SPAG5: variants seen among roughly 807,000 people sequenced by gnomAD.
SPAG5 encodes the protein sperm-associated antigen 5.
SPAG5 carries 99 observed loss-of-function variants against 145.4 expected under a neutral mutation model. The observed-to-expected ratio is 0.68, with a 90% CI of 0.58 to 0.80. The LOEUF is 0.80. Ranked by LOEUF, SPAG5 falls within the 30% of genes least tolerant of loss-of-function variation. SPAG5 has a pLI of 0.00. For synonymous variants in SPAG5, 477 were observed against 525.4 expected (o/e 0.91, Z 1.26); for missense variants, 1,192 against 1,416.0 (o/e 0.84, Z 2.54).
chr17:28,594,971 T>A (rs1217071261), intron 2 of SPAG5, among the ~76,000 whole-genome samples: 6 of 148,448 alleles, frequency 4.0e-5, no homozygotes, highest in African/African-American at 4.9e-5. Flanking sequence ...AAAAAAAAAA[T>A]AAAAAAGACA....
At chr17:28,598,758 C>T in intron 1 of SPAG5, 123 bp from the exon 2 acceptor site, 2 of 1,515,018 alleles carry the variant, frequency 1.3e-6, no homozygotes, top group Non-Finnish European at 1.8e-6. Context: ...CCTAGTCGCG[C>T]AGGAGCAGCA....
In SPAG5 at chr17:28,583,936, C is replaced by T; in HGVS notation, c.2463G>A (p.Glu821=). ...QVAHLELGQV[E]CQLKTTLEVL... ...CTTCCAGTGTGGTTTTCAATTGACA[C>T]TCAACCTGACCCAGCTCCAGGTGAG... Residue 821 remains glutamate (E), a synonymous_variant, in exon 14 of 24, where the codon GAG becomes GAA. Coordinates refer to ENST00000321765, the MANE Select transcript of SPAG5 (RefSeq NM_006461.4). 6.2e-7 allele frequency: 1 copy of T among 1,614,176 alleles called. No homozygotes were observed.
rs1225858931 is a variant in SPAG5, at chr17:28,592,805, C to A, written c.439G>T (p.Ala147Ser). 3.7e-6 allele frequency: 6 copies of A among 1,614,004 alleles called. No individual in the cohort carries two copies. The East Asian group carries it at 1.3e-4, about 36-fold the overall frequency. Reference protein sequence around the residue: ...LGQQQDMIFEARLDTMAETNS... With the variant: ...LGQQQDMIFESRLDTMAETNS... ...GTCTCTGCCATGGTATCTAAACGGG[C>A]CTCAAATATCATGTCTTGTTGCTGC... Residue 147 changes from alanine (A) to serine (S), a missense_variant, in exon 3 of 24, where the codon GCC becomes TCC. By Grantham distance (99) the Ala-to-Ser change is moderately conservative (BLOSUM62 1). Coordinates refer to ENST00000321765, the MANE Select transcript of SPAG5 (RefSeq NM_006461.4).
At chr17:28,591,909 G>A (rs2070623897) in intron 3 of SPAG5, 37 bp from the exon 4 acceptor site, 2 of 1,610,282 alleles carry the variant, frequency 1.2e-6, no homozygotes, top group Non-Finnish European at 1.7e-6. Context: ...GAAAAGAAAA[G>A]GAGGGGAAGG....
chr17:28,594,589 C>T (rs1010555463), intron 2 of SPAG5, among the ~76,000 whole-genome samples: 5 of 151,036 alleles, frequency 3.3e-5, no homozygotes, highest in East Asian at 2.0e-4. Context: ...AGCGAGACTC[C>T]GTCTCAAAAA....
intron 4 of SPAG5, among the ~76,000 whole-genome samples, chr17:28,587,494 G>A (rs112529496): frequency 4.6e-5 from 7 of 151,652 alleles, no homozygotes; most frequent in South Asian, 2.1e-4. Flanking sequence ...GCAGTGAGCC[G>A]AGATTACGCC....
intron 14 of SPAG5, 63 bp downstream of exon 14, chr17:28,583,790 T>C (rs530588344): frequency 2.5e-6 from 4 of 1,571,728 alleles, no homozygotes; most frequent in Middle Eastern, 1.7e-4. Flanking sequence ...TTTTGGCTTC[T>C]AGAAGTGTTC....
rs2070621216 is a variant in SPAG5 at position 28,591,660 on chromosome 17, C to T, written c.1437+38G>A. 13 of 1,545,472 alleles carry T rather than the reference C, an allele frequency of 8.4e-6. No individual in the cohort carries two copies. The South Asian group carries it at 1.5e-4, about 18-fold the overall frequency. On this transcript the variant is annotated intron_variant, in intron 4 of 23. Transcript: ENST00000321765. ...TCTCAGCTTAAATTCCAAGGATCCC[C>T]ACTGGGATCCCTCAAGCTTTGAGAG...
In SPAG5 at chr17:28,592,798, A is replaced by T; in HGVS notation, c.446T>A (p.Leu149Ter). Residue 149 changes from leucine (L) to a stop codon, truncating the protein, a stop_gained, in exon 3 of 24, where the codon TTA becomes TAA. Coordinates refer to ENST00000321765, the MANE Select transcript of SPAG5 (RefSeq NM_006461.4). LOFTEE classifies it high-confidence loss of function. ...GCTGTTTGTCTCTGCCATGGTATCTAAACGGGCCTCAAATATCATGTCTTG... is the reference window on the plus strand; with the variant it reads ...GCTGTTTGTCTCTGCCATGGTATCTTAACGGGCCTCAAATATCATGTCTTG... ...QQQDMIFEARLDTMAETNSIS... is the reference protein window; with the variant it reads ...QQQDMIFEAR 6.2e-7 allele frequency: 1 copy of T among 1,614,184 alleles called. No individual in the cohort carries two copies. Among genetic ancestry groups the T allele is most frequent in the Non-Finnish European group, 8.5e-7 (1 of 1,180,024 alleles).
chr17:28,578,690 G>A lies in SPAG5; in HGVS notation c.3180C>T (p.Asp1060=), dbSNP rs1314438540. 1 of 1,614,004 alleles carries A rather than the reference G, an allele frequency of 6.2e-7. No homozygotes were observed. The highest frequency in any genetic ancestry group is 8.5e-7 in the Non-Finnish European group (1 of 1,179,894). The part of the protein sequence containing the change: ...QQNEKILEQI[D]KSGELISLRE... The stretch of plus-strand genomic sequence containing the variant: ...AACATACTATGAGCTCGCCACTCTT[G>A]TCTATCTGTTCTAGGATCTTCTCAT... The change falls in exon 20 of 24, where the codon GAC becomes GAT. Residue 1060 remains aspartate (D), a synonymous_variant. Transcript: ENST00000321765.
intron 15 of SPAG5, among the ~76,000 whole-genome samples, chr17:28,583,048 G>C (rs2070558723): frequency 6.6e-6 from 1 of 152,140 alleles, no homozygotes; most frequent in Non-Finnish European, 1.5e-5. Context: ...TATGATCATG[G>C]CTCACTGCAG....
In SPAG5 at chr17:28,593,005, G is replaced by A. The variant is rs1476701843; in HGVS notation, c.239C>T (p.Ser80Leu). Residue 80 changes from serine (S) to leucine (L), a missense_variant, in exon 3 of 24, where the codon TCA becomes TTA. Ser to Leu is a moderately radical substitution (Grantham distance 145). Coordinates refer to ENST00000321765, the MANE Select transcript of SPAG5 (RefSeq NM_006461.4). ...CTTTGAGGAATGACTGAAATGTTCT[G>A]AAGATAAGTCTGTCCTCTTGTTATT... is the stretch of plus-strand genomic sequence containing the variant. Reference protein sequence around the residue: ...FVNNKRTDLSSEHFSHSSKWL... With the variant: ...FVNNKRTDLSLEHFSHSSKWL... 1 of 1,614,182 alleles carries A rather than the reference G, an allele frequency of 6.2e-7. No homozygotes were observed. Among genetic ancestry groups the A allele is most frequent in the Non-Finnish European group, 8.5e-7 (1 of 1,180,026 alleles).
At chr17:28,598,109 C>A (rs548509992) in intron 2 of SPAG5, among the ~76,000 whole-genome samples, 200 of 152,330 alleles carry the variant, frequency 1.3e-3, no homozygotes, top group Non-Finnish European at 1.3e-3. Flanking sequence ...AAGTACCCTA[C>A]CTTCCAGTGG....
At chr17:28,577,989 T>G in intron 23 of SPAG5, 21 bp downstream of exon 23, 1 of 1,596,474 alleles carries the variant, frequency 6.3e-7, no homozygotes, top group Non-Finnish European at 8.6e-7. Flanking sequence ...ATTAGTGATA[T>G]CACCTCCCTC....
Position 28,578,002 on chromosome 17 carries a change from G to C in SPAG5, c.3510+8C>G, listed in dbSNP as rs1341983810. 1.2e-6 allele frequency: 2 copies of C among 1,609,870 alleles called. No individual in the cohort carries two copies. Among genetic ancestry groups the C allele is most frequent in the African/African-American group, 2.7e-5 (2 of 74,832 alleles). On this transcript the variant is annotated splice_region_variant and intron_variant, in intron 23 of 23. Transcript: ENST00000321765. ...TCATTAGTGATATCACCTCCCTCCT[G>C]CCTATACCTTATAAATATGCTGAAC...
intron 2 of SPAG5, among the ~76,000 whole-genome samples, chr17:28,594,484 A>G (rs763146272): frequency 1.3e-5 from 2 of 152,188 alleles, no homozygotes; most frequent in African/African-American, 2.4e-5. Context: ...AGTCCCAGCT[A>G]TTTGGGAGGC....
At chr17:28,594,822 T>C (rs921691699) in intron 2 of SPAG5, among the ~76,000 whole-genome samples, 1 of 152,092 alleles carries the variant, frequency 6.6e-6, no homozygotes, top group Non-Finnish European at 1.5e-5. Context: ...TTAAAAGGTA[T>C]GATGGCTCAC....
chr17:28,586,782 C>T (rs1435179715), intron 4 of SPAG5, among the ~76,000 whole-genome samples: 2 of 152,054 alleles, frequency 1.3e-5, no homozygotes, highest in African/African-American at 2.4e-5. Flanking sequence ...TCCACCGACT[C>T]GGCCTCCCAA....
chr17:28,590,868 CAAAAAAAAAAAA>C (rs60727111), intron 4 of SPAG5, among the ~76,000 whole-genome samples: 3 of 37,422 alleles, frequency 8.0e-5, no homozygotes, highest in Admixed American at 3.3e-4. Flanking sequence ...GACTCCGTCT[CAAAAAAAAAAAA>C]AAAAAAAAAA....
Sources: gnomAD v4.1 joint callset for allele counts (sites outside exome capture counted in the v4.1 genomes callset) on GRCh38, gnomAD v4.1.1 for gene constraint, MANE v1.5 for transcripts, NCBI Gene and HGNC (gene_info 2026-07-23, HGNC 2026-07-21) for gene names.